The following RANBP3 variants were observed in gnomAD, a reference collection of about 807,000 sequenced individuals.
The protein encoded by RANBP3 is RAN binding protein 3.
Under a neutral mutation model 77.3 loss-of-function variants are expected in RANBP3, and 14 were observed. That is an observed-to-expected ratio of 0.18 (90% confidence interval 0.12 to 0.28). The LOEUF is 0.28. Among genes scored for constraint, RANBP3 ranks in the 10% least tolerant of loss-of-function variants. RANBP3 has a pLI of 1.00. For missense variants in RANBP3, 586 were observed against 752.3 expected (o/e 0.78, Z 2.59); for synonymous variants, 315 against 312.4 (o/e 1.01, Z -0.09).
At position 5,923,738 on chromosome 19, in the gene RANBP3, G is replaced by T. The variant is rs1044822499; in HGVS notation, c.1099+74C>A. ...TCGGGCCCCTTATCCCTCCCGGCTG[G>T]GGGTGTGAATGGACCCAGCATCCCC... On this transcript the variant is annotated intron_variant, in intron 12 of 16. Coordinates refer to ENST00000340578, the MANE Select transcript of RANBP3 (RefSeq NM_007322.3). The T allele has an allele frequency of 2.0e-5, 25 of 1,241,260 alleles. No homozygotes were observed. The Admixed American group carries it at 4.3e-4, about 21-fold the overall frequency. The allele number at this position is 1,241,260 out of a possible 1,614,324, so 76.9% of individuals were successfully genotyped here.
intron 1 of RANBP3, chr19:5,965,902 G>A (rs1178018195): frequency 6.6e-6 from 1 of 152,198 alleles, no homozygotes; most frequent in Non-Finnish European, 1.5e-5. Flanking sequence ...ACCACCTTAG[G>A]AGGTGGCTTA....
chr19:5,933,376 G>T (rs763418308), intron 6 of RANBP3, 38 bp downstream of exon 6: 2 of 1,566,770 alleles, frequency 1.3e-6, no homozygotes, highest in African/African-American at 2.7e-5. Context: ...AAAAACGTCA[G>T]AGAGCCACCC....
intron 1 of RANBP3, chr19:5,965,938 A>G (rs770408909): frequency 1.1e-4 from 17 of 152,238 alleles, no homozygotes; most frequent in Non-Finnish European, 1.8e-4. Flanking sequence ...ACAGGAAAGG[A>G]AACGGATAAT....
intron 7 of RANBP3, among the ~76,000 whole-genome samples, chr19:5,931,988 T>C (rs992986943): frequency 6.6e-5 from 10 of 152,024 alleles, no homozygotes; most frequent in Non-Finnish European, 1.5e-4. Context: ...TGAGCTATGA[T>C]TGCACCAGTG....
chr19:5,970,068 T>C (rs1174816485), intron 1 of RANBP3, among the ~76,000 whole-genome samples: 1 of 152,138 alleles, frequency 6.6e-6, no homozygotes, highest in African/African-American at 2.4e-5. Context: ...ACTGTCATGT[T>C]TGTGGGGGTG....
At chr19:5,918,460 T>C (rs758769259) in intron 15 of RANBP3, 36 bp downstream of exon 15, 86 of 1,337,962 alleles carry the variant, frequency 6.4e-5, no homozygotes, top group Non-Finnish European at 8.4e-5. Flanking sequence ...GCTGGCAGGA[T>C]GAGGGGTCCC....
chr19:5,967,465 A>G (rs1374740915), intron 1 of RANBP3, among the ~76,000 whole-genome samples: 1 of 152,206 alleles, frequency 6.6e-6, no homozygotes, highest in Non-Finnish European at 1.5e-5. Flanking sequence ...AAAGGCCTTT[A>G]CTGGACTCCG....
Position 5,948,384 on chromosome 19 carries a change from C to T in RANBP3, c.282+3009G>A, listed in dbSNP as rs193013613. 4.6e-3 allele frequency among the ~76,000 whole-genome samples: 693 copies of T among 150,802 alleles called. 4 individuals are homozygous for T. Among genetic ancestry groups the T allele is most frequent in the Non-Finnish European group, 7.7e-3 (522 of 67,792 alleles). On this transcript the variant is annotated intron_variant, in intron 3 of 16. Coordinates refer to ENST00000340578, the MANE Select transcript of RANBP3 (RefSeq NM_007322.3). The stretch of plus-strand genomic sequence containing the variant: ...GGAGAACGGCGTGAACCCCAGGAGG[C>T]GGAGCTTGCAGTGAGCAGAGATCGG...
At chr19:5,956,284 T>C (rs948372958) in intron 2 of RANBP3, among the ~76,000 whole-genome samples, 1 of 152,206 alleles carries the variant, frequency 6.6e-6, no homozygotes, top group Non-Finnish European at 1.5e-5. Flanking sequence ...GGAATGACTA[T>C]AACATCTCCA....
Position 5,928,096 on chromosome 19 carries a change from A to C in RANBP3, c.694-9T>G, listed in dbSNP as rs2145063215. Reference sequence around the variant, plus strand: ...TTCTGGGGCTCTTTCTCCTATCAAAAACCAAAACAAAACAGAGTAATCAAA... The same window carrying C: ...TTCTGGGGCTCTTTCTCCTATCAAACACCAAAACAAAACAGAGTAATCAAA... On this transcript the variant is annotated splice_polypyrimidine_tract_variant and intron_variant, in intron 8 of 16. Transcript: ENST00000340578. 1 of 1,606,328 alleles carries C rather than the reference A, an allele frequency of 6.2e-7. No homozygotes were observed. The highest frequency in any genetic ancestry group is 8.5e-7 in the Non-Finnish European group (1 of 1,177,742).
intron 3 of RANBP3, among the ~76,000 whole-genome samples, chr19:5,942,172 T>C (rs2058146425): frequency 6.6e-6 from 1 of 152,142 alleles, no homozygotes; most frequent in South Asian, 2.1e-4. Context: ...CCCCGTTCAT[T>C]CTGCCAAGAG....
At chr19:5,935,928 T>C in intron 5 of RANBP3, 1 of 405,982 alleles carries the variant, frequency 2.5e-6, no homozygotes, top group South Asian at 1.8e-5. Context: ...CTGTAGAGGA[T>C]GCTGCACCAG....
chr19:5,936,942 G>T (rs1197568908), intron 5 of RANBP3, among the ~76,000 whole-genome samples: 1 of 149,888 alleles, frequency 6.7e-6, no homozygotes, highest in African/African-American at 2.5e-5. Context: ...TGTAATCCCA[G>T]CTACTTGAGA....
Position 5,917,316 on chromosome 19 carries a change from C to T in RANBP3, c.*294G>A, listed in dbSNP as rs928083548. ...GGGGTGAAGGAACGAGGTCTCCAGT[C>T]CCAGTGAGAAGCCGTGACAAGTCTT... On this transcript the variant is annotated 3_prime_UTR_variant, in exon 17 of 17. Coordinates refer to ENST00000340578, the MANE Select transcript of RANBP3 (RefSeq NM_007322.3). The T allele has an allele frequency of 8.3e-6, 4 of 480,320 alleles. No individual in the cohort carries two copies. Among genetic ancestry groups the T allele is most frequent in the Non-Finnish European group, 1.1e-5 (3 of 268,850 alleles). The allele number at this position is 480,320 out of a possible 1,614,324, so 29.8% of individuals were successfully genotyped here.
rs1599713733 is a variant in RANBP3, at chr19:5,918,619, G to A, written c.1350C>T (p.Ser450=). Residue 450 remains serine (S), a synonymous_variant, in exon 15 of 17, where the codon AGC becomes AGT. Transcript: ENST00000340578. ...QSRLVMRTQG[S]LRLILNTKLW... is the part of the protein sequence containing the mutation. ...GCTTGGTGTTGAGGATCAGTCGCAG[G>A]CTCCCCTGGGTCCGCATCACTACAA... 6.2e-7 allele frequency: 1 copy of A among 1,613,672 alleles called. No individual in the cohort carries two copies. The highest frequency in any genetic ancestry group is 1.7e-4 in the Middle Eastern group (1 of 6,042).
intron 3 of RANBP3, among the ~76,000 whole-genome samples, chr19:5,946,254 GC>G (rs1370685329): frequency 6.6e-6 from 1 of 152,168 alleles, no homozygotes; most frequent in Non-Finnish European, 1.5e-5. Context: ...GTTCATTCAC[GC>G]GACACCCGGG....
In RANBP3 at chr19:5,924,201, G is replaced by A. The variant is rs550667082; in HGVS notation, c.997-287C>T. ...AATAGAAAAAGCACAGCGTGGCCAC[G>A]AAGGAAGAGAAGCTGCAGAGTACTT... On this transcript the variant is annotated intron_variant, in intron 11 of 16. Transcript: ENST00000340578. This position sits in a 1 kb window ranked among gnomAD's most constrained non-coding sequence, Gnocchi z 4.7. Among the ~76,000 whole-genome samples the A allele has an allele frequency of 6.6e-5, 10 of 152,334 alleles. No individual in the cohort carries two copies. Among genetic ancestry groups the A allele is most frequent in the African/African-American group, 9.6e-5 (4 of 41,580 alleles).
rs776758374 is a variant in RANBP3, at chr19:5,959,632, G to A, written c.23-1659C>T. On this transcript the variant is annotated intron_variant, in intron 1 of 16. Coordinates refer to ENST00000340578, the MANE Select transcript of RANBP3 (RefSeq NM_007322.3). This position sits in a 1 kb window ranked among gnomAD's most constrained non-coding sequence, Gnocchi z 5.1. ...AGACTTCTTGCCAACACAGCACACA[G>A]GTGCTGCTTGACAAACGTGAATGAA... 6.6e-6 allele frequency among the ~76,000 whole-genome samples: 1 copy of A among 152,154 alleles called. No individual in the cohort carries two copies. Among genetic ancestry groups the A allele is most frequent in the Non-Finnish European group, 1.5e-5 (1 of 68,032 alleles).
chr19:5,967,257 A>G (rs1287892615), intron 1 of RANBP3, among the ~76,000 whole-genome samples: 3 of 152,222 alleles, frequency 2.0e-5, no homozygotes, highest in Non-Finnish European at 4.4e-5. Flanking sequence ...ATAACTTTCA[A>G]CTGGTCTCAT....
Sources: allele counts gnomAD v4.1 joint callset (sites outside exome capture counted in the v4.1 genomes callset), GRCh38; gene constraint gnomAD v4.1.1; non-coding constraint Gnocchi (gnomAD v3.1); transcripts MANE v1.5; gene names NCBI Gene and HGNC (gene_info 2026-07-23, HGNC 2026-07-21).